The following STARD9 variants were observed in gnomAD, a reference collection of about 807,000 sequenced individuals.
STARD9 encodes StAR related lipid transfer domain containing 9.
STARD9 carries 346 observed loss-of-function variants against 399.8 expected under a neutral mutation model. That is an observed-to-expected ratio of 0.87 (90% CI 0.79 to 0.95). STARD9 has a LOEUF of 0.95. Among genes scored for constraint, STARD9 ranks in the 40% least tolerant of loss-of-function variants. The pLI is 0.00. For missense variants in STARD9, 5,832 were observed against 5,667.5 expected, an observed-to-expected ratio of 1.03 and a Z score of -0.93; for synonymous variants, 2,203 against 2,143.5, an observed-to-expected ratio of 1.03 and a Z score of -0.77.
intron 20 of STARD9, among the ~76,000 whole-genome samples, chr15:42,681,136 A>C (rs765556173): frequency 6.6e-6 from 1 of 152,248 alleles, no homozygotes; most frequent in African/African-American, 2.4e-5. Context: ...TCTTTTTAAA[A>C]AGAACAACTT....
intron 3 of STARD9, among the ~76,000 whole-genome samples, chr15:42,598,544 A>AT (rs201416428): frequency 0.012 from 1,847 of 151,092 alleles, 49 homozygotes; most frequent in African/African-American, 0.043. Context: ...TCAGCTTTAT[A>AT]TTTTTTCCCC....
In STARD9 at chr15:42,691,562, TGTC is replaced by T; in HGVS notation, c.9986_9988del (p.Val3329del). 1 of 1,537,264 alleles carries T rather than the reference TGTC, an allele frequency of 6.5e-7. No homozygotes were observed. The highest frequency in any genetic ancestry group is 8.7e-7 in the Non-Finnish European group (1 of 1,146,916). ...CCTCCCCCACACCACAGTTCTCAGT[TGTC>T]GGCTCTTCTCGTTCTCTTCAGGAGC... is the stretch of plus-strand genomic sequence containing the variant. On this transcript the variant is annotated inframe_deletion, in exon 23 of 33. Coordinates refer to ENST00000290607, the MANE Select transcript of STARD9 (RefSeq NM_020759.3).
Position 42,702,559 on chromosome 15 carries a change from G to C in STARD9, c.13284+6679G>C, listed in dbSNP as rs149577505. Reference sequence around the variant, plus strand: ...ATTCTTCATAGCAAAGATAGGAGTTGTCTATCTATCACAGTTATAATATTA... The same window carrying C: ...ATTCTTCATAGCAAAGATAGGAGTTCTCTATCTATCACAGTTATAATATTA... On this transcript the variant is annotated intron_variant, in intron 26 of 32. Transcript: ENST00000290607. 8.1e-3 allele frequency among the ~76,000 whole-genome samples: 1,227 copies of C among 152,254 alleles called. 16 individuals carry two copies. Among genetic ancestry groups the C allele is most frequent in the African/African-American group, 0.028 (1,167 of 41,536 alleles).
chr15:42,684,663 T>C lies in STARD9; in HGVS notation c.3085T>C (p.Trp1029Arg). Reference protein sequence around the residue: ...AGHGKAVKTFWTEYKPPSPSR... With the variant: ...AGHGKAVKTFRTEYKPPSPSR... ...GCACGGAAAGGCAGTCAAGACTTTT[T>C]GGACAGAATACAAACCACCTTCTCC... Residue 1029 changes from tryptophan to arginine, a missense_variant, in exon 23 of 33, where the codon TGG (tryptophan) becomes CGG (arginine). This residue lies in a region of STARD9 where 5,828 missense variants were observed against 5,651.1 expected (regional missense o/e 1.03). Transcript: ENST00000290607. 5 of 1,537,182 alleles carry C rather than the reference T, an allele frequency of 3.3e-6. No individual in the cohort carries two copies. Among genetic ancestry groups the C allele is most frequent in the Non-Finnish European group, 3.5e-6 (4 of 1,146,906 alleles).
chr15:42,691,728 CAGAA>C lies in STARD9; in HGVS notation c.10153_10156del (p.Lys3385ProfsTer15). 1.3e-6 allele frequency: 2 copies of C among 1,537,274 alleles called. No homozygotes were observed. The highest frequency in any genetic ancestry group is 8.7e-7 in the Non-Finnish European group (1 of 1,146,916). On this transcript the variant is annotated frameshift_variant, in exon 23 of 33. Transcript: ENST00000290607. LOFTEE classifies it high-confidence loss of function. ...ATCTCTGCAGGCTGAGGACAGCAAT[CAGAA>C]AGCCTCATCTCGCTTGGATGATGGG...
chr15:42,619,838 G>C (rs1476512921), intron 3 of STARD9, among the ~76,000 whole-genome samples: 1 of 152,154 alleles, frequency 6.6e-6, no homozygotes, highest in Non-Finnish European at 1.5e-5. Flanking sequence ...GGTTTATTTT[G>C]CTTTTGTTCC....
chr15:42,681,956 T>TAGCCCTGC (rs2060439739), intron 21 of STARD9, 148 bp from the exon 22 acceptor site: 1 of 635,134 alleles, frequency 1.6e-6, no homozygotes, highest in African/African-American at 1.8e-5. Context: ...GGGAGCCCTG[T>TAGCCCTGC]AGCCCTGCAG....
At chr15:42,708,202 T>A (rs1184609781) in intron 26 of STARD9, among the ~76,000 whole-genome samples, 1 of 152,188 alleles carries the variant, frequency 6.6e-6, no homozygotes, top group Non-Finnish European at 1.5e-5. Flanking sequence ...GATATAATAA[T>A]CCTTTTAAAT....
chr15:42,622,977 C>T (rs963090177), intron 3 of STARD9, among the ~76,000 whole-genome samples: 1 of 152,050 alleles, frequency 6.6e-6, no homozygotes, highest in Non-Finnish European at 1.5e-5. Flanking sequence ...CAGGGCCAGG[C>T]GTGGTAGCTC....
At position 42,674,904 on chromosome 15, in the gene STARD9, C is replaced by T. The variant is rs1286258094; in HGVS notation, c.1627C>T (p.Arg543Cys). Residue 543 changes from arginine (R) to cysteine (C), a missense_variant, in exon 18 of 33, where the codon CGT becomes TGT. Arg to Cys is a radical substitution (Grantham distance 180). Transcript: ENST00000290607. ...ACGVVVLRPA[R>C]GARCTVNGRE... ...TGGTGTAGTTGTTCTACGACCTGCC[C>T]GTGGGGCCCGCTGTACAGTCAATGG... 1.8e-5 allele frequency: 28 copies of T among 1,536,900 alleles called. No homozygotes were observed. The highest frequency in any genetic ancestry group is 1.5e-4 in the East Asian group (6 of 40,924).
chr15:42,655,102 T>C lies in STARD9; in HGVS notation c.702+2510T>C, dbSNP rs912335653. On this transcript the variant is annotated intron_variant, in intron 9 of 32. Coordinates refer to ENST00000290607, the MANE Select transcript of STARD9 (RefSeq NM_020759.3). Reference sequence around the variant, plus strand: ...TTTGAGACCAGCCTGGCCAACATGGTGAAACCCCTCTCTACTAAAAATAGA... The same window carrying C: ...TTTGAGACCAGCCTGGCCAACATGGCGAAACCCCTCTCTACTAAAAATAGA... Among the ~76,000 whole-genome samples the C allele has an allele frequency of 2.0e-5, 3 of 152,042 alleles. No individual in the cohort carries two copies. The East Asian group carries it at 5.8e-4, about 29-fold the overall frequency.
intron 22 of STARD9, among the ~76,000 whole-genome samples, chr15:42,682,923 T>C (rs1353327643): frequency 6.6e-6 from 1 of 152,196 alleles, no homozygotes; most frequent in Admixed American, 6.5e-5. Flanking sequence ...TTGTCATGCC[T>C]GTAACCAGAC....
In STARD9 at chr15:42,589,641, T is replaced by G. The variant is rs1034044820; in HGVS notation, c.234+4004T>G. On this transcript the variant is annotated intron_variant, in intron 3 of 32. Transcript: ENST00000290607. ...TTTTTTTTTAAATGGAGTTTCGCTCTTGTTGCCTAGGCTGGAGCGCAGTGG... is the reference window on the plus strand; with the variant it reads ...TTTTTTTTTAAATGGAGTTTCGCTCGTGTTGCCTAGGCTGGAGCGCAGTGG... Among the ~76,000 whole-genome samples, 7 of 152,060 alleles carry G rather than the reference T, an allele frequency of 4.6e-5. No homozygotes were observed. In the East Asian group the frequency reaches 1.4e-3, roughly 29 times the overall value.
intron 1 of STARD9, chr15:42,581,566 G>C: frequency 2.0e-6 from 2 of 995,246 alleles, no homozygotes; most frequent in Non-Finnish European, 3.1e-6. Flanking sequence ...CTCCTAGGGC[G>C]GGTGGAAAAG....
chr15:42,717,154 G>A lies in STARD9; in HGVS notation c.13494+106G>A, dbSNP rs578248612. On this transcript the variant is annotated intron_variant, in intron 28 of 32. Coordinates refer to ENST00000290607, the MANE Select transcript of STARD9 (RefSeq NM_020759.3). ...AAGCTGGGCAGATGAGGAGCCCAAG[G>A]CTTGTGGGCATCTTCAGTGGTTCTT... 2.1e-5 allele frequency: 27 copies of A among 1,261,896 alleles called. No individual in the cohort carries two copies. The African/African-American group carries it at 3.3e-4, about 15-fold the overall frequency. The allele number at this position is 1,261,896 out of a possible 1,614,324, so 78.2% of individuals were successfully genotyped here. A position where few individuals can be genotyped will look rare whatever the true frequency, so the allele number is the denominator to read the frequency against.
chr15:42,608,564 T>A (rs2058784040), intron 3 of STARD9, among the ~76,000 whole-genome samples: 1 of 152,178 alleles, frequency 6.6e-6, no homozygotes, highest in Non-Finnish European at 1.5e-5. Context: ...TTTTTCCACA[T>A]AGGCAGGAAT....
intron 3 of STARD9, among the ~76,000 whole-genome samples, chr15:42,630,936 T>C (rs1443533892): frequency 6.6e-6 from 1 of 151,998 alleles, no homozygotes; most frequent in East Asian, 1.9e-4. Context: ...TCTAAGTTTT[T>C]TTCTTCTGCT....
chr15:42,705,103 C>T (rs536798634), intron 26 of STARD9, among the ~76,000 whole-genome samples: 2 of 152,268 alleles, frequency 1.3e-5, no homozygotes, highest in African/African-American at 4.8e-5. Flanking sequence ...TTTTCTGGTT[C>T]TGTGTATTAC....
rs1305935307 is a variant in STARD9, at chr15:42,716,764, A to G, written c.13372A>G (p.Ser4458Gly). Residue 4458 changes from serine to glycine, a missense_variant and splice_region_variant, in exon 27 of 33, where the codon AGC becomes GGC. By Grantham distance (56) the Ser-to-Gly change is moderately conservative. Transcript: ENST00000290607. ...HSAVRKNSAY[S>G]HRASLGSCCC... ...TGCAGTGAGGAAGAACTCTGCCTAC[A>G]GTGAGTTGCGGGGAGTGTTGGGCAT... is the stretch of plus-strand genomic sequence containing the variant. 1.9e-5 allele frequency: 29 copies of G among 1,535,754 alleles called. No individual in the cohort carries two copies. Among genetic ancestry groups the G allele is most frequent in the Non-Finnish European group, 2.5e-5 (29 of 1,145,542 alleles).
Sources: allele counts gnomAD v4.1 joint callset (sites outside exome capture counted in the v4.1 genomes callset), GRCh38; gene constraint gnomAD v4.1.1; regional missense constraint gnomAD v4.1.1; transcripts MANE v1.5; gene names NCBI Gene and HGNC (gene_info 2026-07-23, HGNC 2026-07-21).